ANKRD55: variants seen among roughly 807,000 people sequenced by gnomAD.
ANKRD55 encodes the protein ankyrin repeat domain 55.
ANKRD55 carries 41 observed loss-of-function variants against 60.6 expected under a neutral mutation model. That is an observed-to-expected ratio of 0.68 (90% CI 0.53 to 0.88). The LOEUF (loss-of-function observed/expected upper bound fraction) is 0.88. Ranked by LOEUF, ANKRD55 falls within the 40% of genes least tolerant of loss-of-function variation. The pLI is 0.00. For missense variants in ANKRD55, 732 were observed against 767.6 expected, an observed-to-expected ratio of 0.95 and a Z score of 0.55; for synonymous variants, 264 against 290.3, an observed-to-expected ratio of 0.91 and a Z score of 0.92.
chr5:56,193,657 C>G (rs147282640), intron 2 of ANKRD55: 362 of 275,592 alleles, frequency 1.3e-3, no homozygotes, highest in Non-Finnish European at 1.6e-3. Context: ...CATGAATGAA[C>G]AAAGGTAAAA....
At chr5:56,229,110 T>TTTC (rs397798027) in intron 2 of ANKRD55, among the ~76,000 whole-genome samples, 33 of 148,790 alleles carry the variant, frequency 2.2e-4, no homozygotes, top group African/African-American at 5.5e-4. Context: ...TTTTTTTTTT[T>TTTC]CCCTGTTTTC....
intron 2 of ANKRD55, chr5:56,192,958 A>G: frequency 1.4e-6 from 1 of 693,154 alleles, no homozygotes. Flanking sequence ...TGAAAACCAA[A>G]GCAGGCAGAG....
rs553096747 is a variant in ANKRD55, at chr5:56,158,293, G to A, written c.483+1540C>T. ...TAGCTTCCTTGAAAATAATGTAATC[G>A]GCATCTTTGTGTATGTACATTTTTA... On this transcript the variant is annotated intron_variant, in intron 6 of 11. Transcript: ENST00000341048. Among the ~76,000 whole-genome samples the A allele has an allele frequency of 1.2e-4, 18 of 152,086 alleles. 1 individual carries two copies. The South Asian group carries it at 1.5e-3, about 12-fold the overall frequency.
intron 2 of ANKRD55, among the ~76,000 whole-genome samples, chr5:56,200,638 T>C (rs1232682810): frequency 6.6e-6 from 1 of 152,222 alleles, no homozygotes; most frequent in Non-Finnish European, 1.5e-5. Flanking sequence ...GGGAAAGCCC[T>C]TGACTGCATC....
In ANKRD55 at chr5:56,232,861, T is replaced by C. The variant is rs759393385; in HGVS notation, c.53A>G (p.Gln18Arg). ...GTGTTAAAGCAGCATTTTACCTCTT[T>C]GCTGATCAAACACAGAAGGGGTGCT... ...DFSTPSVFDQ[Q>R]RGDSSEEVDL... The change falls in exon 2 of 12, where the codon CAA becomes CGA. Residue 18 changes from glutamine (Q) to arginine (R), a missense_variant. Physicochemically the swap from Gln to Arg is conservative, Grantham distance 43. Transcript: ENST00000341048. The C allele has an allele frequency of 3.1e-6, 5 of 1,614,126 alleles. No individual in the cohort carries two copies. The South Asian group carries it at 3.3e-5, about 11-fold the overall frequency.
At chr5:56,229,102 T>C (rs1048153938) in intron 2 of ANKRD55, among the ~76,000 whole-genome samples, 10 of 150,094 alleles carry the variant, frequency 6.7e-5, no homozygotes, top group African/African-American at 2.5e-4. Context: ...TGTTTTTTTT[T>C]TTTTTTTTCC....
chr5:56,132,424 CA>C (rs34289990), intron 7 of ANKRD55, among the ~76,000 whole-genome samples: 23,848 of 120,270 alleles, frequency 0.2, 2,340 homozygotes, highest in South Asian at 0.24. Context: ...ACTTAAAATA[CA>C]AAAAAAAAAA....
chr5:56,132,424 C>CAAAAAAAA (rs34289990), intron 7 of ANKRD55, among the ~76,000 whole-genome samples: 24 of 120,352 alleles, frequency 2.0e-4, no homozygotes, highest in African/African-American at 7.6e-4. Flanking sequence ...ACTTAAAATA[C>CAAAAAAAA]AAAAAAAAAA....
At chr5:56,178,448 A>G (rs1758784371) in intron 3 of ANKRD55, among the ~76,000 whole-genome samples, 1 of 151,668 alleles carries the variant, frequency 6.6e-6, no homozygotes, top group Non-Finnish European at 1.5e-5. Flanking sequence ...GGGGTTCCAA[A>G]ATTTATTTTA....
chr5:56,154,164 G>A (rs1157636369), intron 6 of ANKRD55, among the ~76,000 whole-genome samples: 3 of 125,068 alleles, frequency 2.4e-5, no homozygotes, highest in South Asian at 5.0e-4. Flanking sequence ...TCGCACCACT[G>A]CACTCCAGCC....
chr5:56,163,490 G>A (rs575840543), intron 5 of ANKRD55, among the ~76,000 whole-genome samples: 11 of 152,186 alleles, frequency 7.2e-5, no homozygotes, highest in African/African-American at 2.4e-4. Context: ...TCCTGTCCTC[G>A]GATCTCTGAG....
rs60023559 is a variant in ANKRD55 at position 56,109,038 on chromosome 5, A to AACACACACAC, written c.1630+2070_1630+2079dup. 1.1e-3 allele frequency among the ~76,000 whole-genome samples: 164 copies of AACACACACAC among 143,960 alleles called. 1 individual carries two copies. Among genetic ancestry groups the AACACACACAC allele is most frequent in the East Asian group, 1.7e-3 (8 of 4,834 alleles). The allele number at this position is 143,960 out of a possible 152,430, so 94.4% of individuals were successfully genotyped here. ...GGTGACAAGTGAGACTCTGTCTCAA[A>AACACACACAC]ACACACACACACACACACACACACA... On this transcript the variant is annotated intron_variant, in intron 10 of 11. Coordinates refer to ENST00000341048, the MANE Select transcript of ANKRD55 (RefSeq NM_024669.3).
intron 8 of ANKRD55, among the ~76,000 whole-genome samples, chr5:56,121,492 C>T (rs570822463): frequency 6.6e-6 from 1 of 151,684 alleles, no homozygotes; most frequent in South Asian, 2.1e-4. Flanking sequence ...CCTGCCTCAG[C>T]CTCCCGAGTA....
intron 9 of ANKRD55, among the ~76,000 whole-genome samples, chr5:56,112,511 A>AAAAAAAACAAAAAAAAAAAC (rs1554036588): frequency 8.6e-5 from 7 of 81,520 alleles, no homozygotes; most frequent in South Asian, 3.7e-4. Flanking sequence ...TAGCAAAAAA[A>AAAAAAAACAAAAAAAAAAAC]AAAAAAAAAA....
chr5:56,200,234 C>G (rs1457981013), intron 2 of ANKRD55, among the ~76,000 whole-genome samples: 2 of 151,936 alleles, frequency 1.3e-5, no homozygotes, highest in Non-Finnish European at 2.9e-5. Context: ...AAAGCAAGTC[C>G]TTGCTGTTTG....
intron 2 of ANKRD55, among the ~76,000 whole-genome samples, chr5:56,227,574 T>C (rs1039827808): frequency 3.3e-5 from 5 of 151,880 alleles, no homozygotes; most frequent in African/African-American, 1.2e-4. Flanking sequence ...AAGAGCTTGA[T>C]TGTGAAAATA....
At chr5:56,119,699 A>C (rs1354116419) in intron 8 of ANKRD55, among the ~76,000 whole-genome samples, 1 of 152,106 alleles carries the variant, frequency 6.6e-6, no homozygotes, top group Admixed American at 6.5e-5. Flanking sequence ...AGATTGCTTG[A>C]GCTCAGGAGT....
At chr5:56,227,950 G>A (rs1200492547) in intron 2 of ANKRD55, among the ~76,000 whole-genome samples, 4 of 152,092 alleles carry the variant, frequency 2.6e-5, no homozygotes, top group Non-Finnish European at 4.4e-5. Context: ...GATGCTCCCC[G>A]CTTCCCCCAC....
chr5:56,125,263 CACTT>C (rs1757207725), intron 8 of ANKRD55, among the ~76,000 whole-genome samples: 1 of 151,884 alleles, frequency 6.6e-6, no homozygotes, highest in Non-Finnish European at 1.5e-5. Flanking sequence ...CTTAGGAAAA[CACTT>C]ACTTTTTTCT....
Sources: allele counts gnomAD v4.1 joint callset (sites outside exome capture counted in the v4.1 genomes callset), GRCh38; gene constraint gnomAD v4.1.1; transcripts MANE v1.5; gene names NCBI Gene and HGNC (gene_info 2026-07-23, HGNC 2026-07-21).